The following MED13L variants were observed in gnomAD, a reference collection of about 807,000 sequenced individuals.
MED13L encodes mediator of RNA polymerase II transcription subunit 13-like.
In MED13L, 7 loss-of-function variants were observed where a neutral mutation model predicts 220.9. That is an observed-to-expected ratio of 0.03 (90% CI 0.02 to 0.06). The LOEUF (loss-of-function observed/expected upper bound fraction) is 0.06. Among genes scored for constraint, MED13L ranks in the 10% least tolerant of loss-of-function variants. MED13L has a pLI of 1.00. For synonymous variants in MED13L, 1,011 were observed against 1,015.2 expected (o/e 1.00, Z 0.08); for missense variants, 1,965 against 2,760.5 (o/e 0.71, Z 6.46).
chr12:116,175,035 C>A (rs1342005941), intron 2 of MED13L, among the ~76,000 whole-genome samples: 1 of 152,056 alleles, frequency 6.6e-6, no homozygotes, highest in African/African-American at 2.4e-5. Context: ...GCACTCCAGC[C>A]TGAGCAACAG....
intron 25 of MED13L, among the ~76,000 whole-genome samples, chr12:115,973,787 T>TA (rs1298683479): frequency 1.3e-5 from 2 of 152,166 alleles, no homozygotes; most frequent in African/African-American, 2.4e-5. Flanking sequence ...GATATTCCTT[T>TA]AAAAAATGAA....
intron 25 of MED13L, 37 bp downstream of exon 25, chr12:115,975,132 CCT>C (rs1876849580): frequency 1.9e-6 from 3 of 1,605,644 alleles, no homozygotes; most frequent in Non-Finnish European, 2.6e-6. Context: ...GAGCCCTTTT[CCT>C]CTGTCTTCTG....
intron 2 of MED13L, among the ~76,000 whole-genome samples, chr12:116,226,931 T>C (rs114048100): frequency 0.01 from 1,536 of 146,366 alleles, 25 homozygotes; most frequent in African/African-American, 0.036. Flanking sequence ...AGGAAAAAAA[T>C]ATTTACGTGT....
At chr12:116,150,697 T>C (rs1266507982) in intron 2 of MED13L, among the ~76,000 whole-genome samples, 1 of 152,218 alleles carries the variant, frequency 6.6e-6, no homozygotes, top group Admixed American at 6.5e-5. Context: ...CTTATTATTA[T>C]CTGTTTGTAC....
At chr12:115,967,627 A>G (rs1443109967) in intron 28 of MED13L, among the ~76,000 whole-genome samples, 2 of 152,210 alleles carry the variant, frequency 1.3e-5, no homozygotes, top group African/African-American at 4.8e-5. Flanking sequence ...ATTCCATTTC[A>G]CAGATAAGGT....
At chr12:116,206,603 G>C (rs367724219) in intron 2 of MED13L, among the ~76,000 whole-genome samples, 1 of 151,910 alleles carries the variant, frequency 6.6e-6, no homozygotes, top group African/African-American at 2.4e-5. Context: ...GGGCTGTTGA[G>C]GAAAAACAGC....
In MED13L at chr12:115,975,277, T is replaced by C; in HGVS notation, c.5625A>G (p.Gly1875=). The change falls in exon 25 of 31, where the codon GGA becomes GGG. Residue 1875 remains glycine (G), a synonymous_variant. Transcript: ENST00000281928. ...TGCACCACTCCCATAACTTCTGTAG[T>C]CCAATTTTACGTGCAGATACTTTAC... The part of the protein sequence containing the change: ...RRSKVSARKI[G]LQKLWEWCIG... The C allele has an allele frequency of 6.2e-7, 1 of 1,614,052 alleles. No individual in the cohort carries two copies. The highest frequency in any genetic ancestry group is 8.5e-7 in the Non-Finnish European group (1 of 1,179,982).
At chr12:115,979,308 G>A (rs2137258901) in intron 23 of MED13L, among the ~76,000 whole-genome samples, 1 of 152,176 alleles carries the variant, frequency 6.6e-6, no homozygotes, top group East Asian at 1.9e-4. Flanking sequence ...ATGGTGTTCT[G>A]CCTGAGCATA....
At chr12:116,175,438 C>T (rs992616239) in intron 2 of MED13L, among the ~76,000 whole-genome samples, 1 of 152,028 alleles carries the variant, frequency 6.6e-6, no homozygotes, top group African/African-American at 2.4e-5. Flanking sequence ...GTAGAGGTAA[C>T]AACAAAAACT....
intron 4 of MED13L, among the ~76,000 whole-genome samples, chr12:116,078,118 G>T (rs1215296082): frequency 6.7e-6 from 1 of 148,918 alleles, no homozygotes; most frequent in African/African-American, 2.5e-5. Context: ...CTCCAGCCTG[G>T]GCGACAGAGT....
In MED13L at chr12:116,008,610, G is replaced by T; in HGVS notation, c.1803C>A (p.Leu601=). The T allele has an allele frequency of 6.2e-7, 1 of 1,614,062 alleles. No individual in the cohort carries two copies. The highest frequency in any genetic ancestry group is 8.5e-7 in the Non-Finnish European group (1 of 1,179,990). The change falls in exon 10 of 31, where the codon CTC becomes CTA. Residue 601 remains leucine (L), a synonymous_variant. Transcript: ENST00000281928. ...QLSTLDDRTV[L]VGQRLPLMAE... The stretch of plus-strand genomic sequence containing the variant: ...CCATGAGAGGCAGTCTTTGGCCTAC[G>T]AGGACAGTTCTGTCATCCAGAGTAG...
At chr12:116,188,383 A>G (rs1881039855) in intron 2 of MED13L, among the ~76,000 whole-genome samples, 1 of 146,152 alleles carries the variant, frequency 6.8e-6, no homozygotes, top group Admixed American at 6.8e-5. Flanking sequence ...CAGTCACAGA[A>G]ACAGAGTGAT....
intron 2 of MED13L, among the ~76,000 whole-genome samples, chr12:116,170,474 A>G (rs1379975708): frequency 1.3e-5 from 2 of 152,068 alleles, no homozygotes; most frequent in Non-Finnish European, 2.9e-5. Context: ...AACTCAAATA[A>G]TTGCACGAAA....
At chr12:115,980,582 C>T (rs955537310) in intron 23 of MED13L, 168 bp downstream of exon 23, 13 of 737,176 alleles carry the variant, frequency 1.8e-5, no homozygotes, top group African/African-American at 8.7e-5. Flanking sequence ...CCTCAGCCTC[C>T]GAAAGTGCTA....
intron 4 of MED13L, among the ~76,000 whole-genome samples, chr12:116,023,951 T>C (rs1036888518): frequency 1.3e-5 from 2 of 152,222 alleles, no homozygotes; most frequent in African/African-American, 4.8e-5. Flanking sequence ...ATCTTCTACA[T>C]ACAACATTAT....
At chr12:116,266,363 C>T (rs932531206) in intron 1 of MED13L, among the ~76,000 whole-genome samples, 29 of 152,154 alleles carry the variant, frequency 1.9e-4, no homozygotes, top group African/African-American at 7.0e-4. Flanking sequence ...CCACTAGTAT[C>T]AGCAAAGAGA....
intron 2 of MED13L, among the ~76,000 whole-genome samples, chr12:116,201,725 C>T (rs1018339377): frequency 1.6e-4 from 24 of 152,136 alleles, no homozygotes; most frequent in African/African-American, 5.6e-4. Context: ...CCATCCAAAG[C>T]TTTCTGCAGG....
chr12:116,192,145 G>GCCC (rs1226162581), intron 2 of MED13L, among the ~76,000 whole-genome samples: 24 of 152,178 alleles, frequency 1.6e-4, no homozygotes, highest in African/African-American at 5.5e-4. Context: ...CGGAAGGGTG[G>GCCC]TGGCTTTTGC....
intron 2 of MED13L, among the ~76,000 whole-genome samples, chr12:116,115,459 C>T (rs1196697668): frequency 6.6e-6 from 1 of 151,506 alleles, no homozygotes; most frequent in Admixed American, 6.6e-5. Context: ...AGATATGACA[C>T]CAAAAGCATG....
Sources: allele counts gnomAD v4.1 joint callset (sites outside exome capture counted in the v4.1 genomes callset), GRCh38; gene constraint gnomAD v4.1.1; transcripts MANE v1.5; gene names NCBI Gene and HGNC (gene_info 2026-07-23, HGNC 2026-07-21).